The following PEMT variants were observed in gnomAD, a reference collection of about 807,000 sequenced individuals.
The protein encoded by PEMT is phospholipid methyltransferase.
In PEMT, 23 loss-of-function variants were observed where a neutral mutation model predicts 27.4. That is an observed-to-expected ratio of 0.84 (90% CI 0.60 to 1.19). The LOEUF (loss-of-function observed/expected upper bound fraction) is 1.19, where lower values mean the gene tolerates loss of function less well. Ranked by LOEUF, PEMT falls within the 50% of genes most tolerant of loss-of-function variation. The pLI is 0.00. For synonymous variants in PEMT, 137 were observed against 139.1 expected, an observed-to-expected ratio of 0.98 and a Z score of 0.11; for missense variants, 307 against 310.1, an observed-to-expected ratio of 0.99 and a Z score of 0.07.
chr17:17,577,828 T>TA (rs1911720735), intron 1 of PEMT, among the ~76,000 whole-genome samples: 1 of 151,830 alleles, frequency 6.6e-6, no homozygotes, highest in African/African-American at 2.4e-5. Context: ...CCATCCTGGC[T>TA]AACACGGTGA....
chr17:17,522,890 G>A (rs1047649995), intron 2 of PEMT, among the ~76,000 whole-genome samples: 3 of 122,016 alleles, frequency 2.5e-5, no homozygotes, highest in African/African-American at 3.7e-5. Context: ...CATCACAGGC[G>A]CAAAGCAAAG....
At position 17,548,534 on chromosome 17, in the gene PEMT, G is replaced by A. The variant is rs118023631; in HGVS notation, c.205-26139C>T. The stretch of plus-strand genomic sequence containing the variant: ...CTAAATTCATACCAGAGTCTGTGAC[G>A]GCTTCACGGTGAGCACAGGTCTTTT... On this transcript the variant is annotated intron_variant, in intron 2 of 6. Transcript: ENST00000255389. 8.9e-4 allele frequency among the ~76,000 whole-genome samples: 136 copies of A among 152,292 alleles called. 1 individual carries two copies. The East Asian group carries it at 0.024, about 27-fold the overall frequency.
intron 2 of PEMT, among the ~76,000 whole-genome samples, chr17:17,573,838 G>C (rs759697402): frequency 6.6e-6 from 1 of 152,200 alleles, no homozygotes; most frequent in African/African-American, 2.4e-5. Context: ...CTGGAGTGCA[G>C]TAGTGTGATC....
intron 2 of PEMT, among the ~76,000 whole-genome samples, chr17:17,576,149 C>T (rs1193281455): frequency 6.6e-6 from 1 of 152,106 alleles, no homozygotes; most frequent in Non-Finnish European, 1.5e-5. Flanking sequence ...CCCCCAGAGA[C>T]AGCCTTGGGA....
chr17:17,566,776 AG>A (rs939386065), intron 2 of PEMT, among the ~76,000 whole-genome samples: 1 of 152,208 alleles, frequency 6.6e-6, no homozygotes, highest in African/African-American at 2.4e-5. Flanking sequence ...AACTGGGCGC[AG>A]GGGGGCAGGT....
Position 17,505,811 on chromosome 17 carries a change from CG to C in PEMT, c.690del (p.Ser232ProfsTer7), listed in dbSNP as rs756045743. The C allele has an allele frequency of 6.2e-7, 1 of 1,611,414 alleles. No homozygotes were observed. Among genetic ancestry groups the C allele is most frequent in the Non-Finnish European group, 8.5e-7 (1 of 1,178,666 alleles). On this transcript the variant is annotated frameshift_variant, in exon 7 of 7. Transcript: ENST00000255389. LOFTEE classifies it high-confidence loss of function. The stretch of plus-strand genomic sequence containing the variant: ...CTCAATCAGCTCCTCTTGTGGGACC[CG>C]GAGGCTTTCTGCCGGTAGATCTCAG... ...FTAEIYRQKA[S>X]GSHKRS
At chr17:17,548,469 C>T (rs1909413492) in intron 2 of PEMT, among the ~76,000 whole-genome samples, 1 of 152,202 alleles carries the variant, frequency 6.6e-6, no homozygotes, top group African/African-American at 2.4e-5. Flanking sequence ...CCTTGAGGGA[C>T]CCAGAAGCTC....
chr17:17,540,084 A>C lies in PEMT; in HGVS notation c.205-17689T>G, dbSNP rs118042811. Among the ~76,000 whole-genome samples the C allele has an allele frequency of 2.6e-4, 39 of 152,314 alleles. No individual in the cohort carries two copies. In the East Asian group the frequency reaches 7.5e-3, roughly 29 times the overall value. ...AAGACAGAATCTGAGTTGAACCTGGAAGCAACGCCCCAAGGGAAGGGGCCA... is the reference window on the plus strand; with the variant it reads ...AAGACAGAATCTGAGTTGAACCTGGCAGCAACGCCCCAAGGGAAGGGGCCA... On this transcript the variant is annotated intron_variant, in intron 2 of 6. Transcript: ENST00000255389.
At position 17,512,606 on chromosome 17, in the gene PEMT, G is replaced by A. The variant is rs1906500994; in HGVS notation, c.369C>T (p.Thr123=). The A allele has an allele frequency of 1.3e-6, 2 of 1,599,810 alleles. No homozygotes were observed. The change falls in exon 4 of 7, where the codon ACC becomes ACT. Residue 123 remains threonine, a synonymous_variant. Transcript: ENST00000255389. This position sits in a 1 kb window ranked among gnomAD's most constrained non-coding sequence, Gnocchi z 6.3. The part of the protein sequence containing the change: ...LSQPRMESLD[T]PAAYSLGLAL... ...CGAGGCCCAGGCTGTAGGCCGCGGGGGTGTCCAGGCTCTCCATCCTGGGCT... is the reference window on the plus strand; with the variant it reads ...CGAGGCCCAGGCTGTAGGCCGCGGGAGTGTCCAGGCTCTCCATCCTGGGCT...
In PEMT at chr17:17,591,591, C is replaced by G. The variant is rs185084655; in HGVS notation, c.36G>C (p.Thr12=). Reference sequence around the variant, plus strand: ...AGTCAGGCCCTGCCACCGAGCTGTTCGTTACCTCGGCTCCCGGGTTCCCAG... The same window carrying G: ...AGTCAGGCCCTGCCACCGAGCTGTTGGTTACCTCGGCTCCCGGGTTCCCAG... The part of the protein sequence containing the change: ...KRSGNPGAEV[T]NSSVAGPDCC... The change falls in exon 1 of 7, where the codon ACG becomes ACC. Residue 12 remains threonine (T), a synonymous_variant. Transcript: ENST00000255389. The G allele has an allele frequency of 9.9e-6, 16 of 1,613,618 alleles. 1 individual carries two copies. The Admixed American group carries it at 2.5e-4, about 25-fold the overall frequency.
rs1436455428 is a variant in PEMT at position 17,561,468 on chromosome 17, A to T, written c.204+15452T>A. 6.6e-6 allele frequency among the ~76,000 whole-genome samples: 1 copy of T among 152,204 alleles called. No individual in the cohort carries two copies. The highest frequency in any genetic ancestry group is 1.5e-5 in the Non-Finnish European group (1 of 68,030). ...GACAAAACCCACAGAGCAGTTCCAC[A>T]ACAGATGCCCTGGGGTGGCTGCCCG... On this transcript the variant is annotated intron_variant, in intron 2 of 6. Coordinates refer to ENST00000255389, the MANE Select transcript of PEMT (RefSeq NM_148172.3). The surrounding 1 kb of genome is among the most constrained non-coding windows in gnomAD (Gnocchi z 4.5).
Position 17,561,756 on chromosome 17 carries a change from G to A in PEMT, c.204+15164C>T, listed in dbSNP as rs973110561. 1.3e-5 allele frequency among the ~76,000 whole-genome samples: 2 copies of A among 152,230 alleles called. No individual in the cohort carries two copies. The highest frequency in any genetic ancestry group is 2.4e-5 in the African/African-American group (1 of 41,450). The stretch of plus-strand genomic sequence containing the variant: ...GATATGAGGGGGGCACAACCGCACC[G>A]GGCTCCCGAGGATGGCAAGGGGGAC... On this transcript the variant is annotated intron_variant, in intron 2 of 6. Transcript: ENST00000255389. The surrounding 1 kb of genome is among the most constrained non-coding windows in gnomAD (Gnocchi z 4.5).
At chr17:17,575,725 C>G (rs560118516) in intron 2 of PEMT, among the ~76,000 whole-genome samples, 1 of 152,354 alleles carries the variant, frequency 6.6e-6, no homozygotes, top group East Asian at 1.9e-4. Flanking sequence ...GCCAGTCTCA[C>G]TCCCACCTCT....
intron 5 of PEMT, 97 bp downstream of exon 5, chr17:17,509,333 TTCTC>T: frequency 1.4e-6 from 1 of 738,156 alleles, no homozygotes; most frequent in Non-Finnish European, 2.3e-6. Context: ...CGTTCTTCCT[TTCTC>T]TCTCTCCAGG....
chr17:17,531,547 A>C (rs1391489308), intron 2 of PEMT, among the ~76,000 whole-genome samples: 1 of 151,230 alleles, frequency 6.6e-6, no homozygotes, highest in Non-Finnish European at 1.5e-5. Context: ...GATGTCTGAC[A>C]AAGTGCTAAG....
rs1007331999 is a variant in PEMT at position 17,513,158 on chromosome 17, G to A, written c.321-504C>T. Among the ~76,000 whole-genome samples, 28 of 152,338 alleles carry A rather than the reference G, an allele frequency of 1.8e-4. No homozygotes were observed. Among genetic ancestry groups the A allele is most frequent in the Middle Eastern group, 3.4e-3 (1 of 294 alleles). ...GGGCATGCTCTGTGCTAGGGATTGC[G>A]CTTCCACAGCCCCTGTGGGTCTGGC... On this transcript the variant is annotated intron_variant, in intron 3 of 6. Coordinates refer to ENST00000255389, the MANE Select transcript of PEMT (RefSeq NM_148172.3). The surrounding 1 kb of genome is among the most constrained non-coding windows in gnomAD (Gnocchi z 4.1).
chr17:17,575,841 C>A (rs937338222), intron 2 of PEMT, among the ~76,000 whole-genome samples: 4 of 152,234 alleles, frequency 2.6e-5, no homozygotes, highest in Non-Finnish European at 5.9e-5. Flanking sequence ...TTGGAATGCA[C>A]TGTCTTTGAC....
intron 2 of PEMT, among the ~76,000 whole-genome samples, chr17:17,556,001 G>A (rs1346550502): frequency 6.6e-6 from 1 of 152,254 alleles, no homozygotes. Context: ...GCCTTGAAGT[G>A]CTGCGCACTG....
intron 1 of PEMT, among the ~76,000 whole-genome samples, chr17:17,586,276 G>GA (rs1304777237): frequency 9.6e-6 from 1 of 104,242 alleles, no homozygotes; most frequent in Non-Finnish European, 1.9e-5. Flanking sequence ...AAGAAAGAAA[G>GA]AAAGAAAGAA....
Sources: allele counts gnomAD v4.1 joint callset (sites outside exome capture counted in the v4.1 genomes callset), GRCh38; gene constraint gnomAD v4.1.1; non-coding constraint Gnocchi (gnomAD v3.1); transcripts MANE v1.5; gene names NCBI Gene and HGNC (gene_info 2026-07-23, HGNC 2026-07-21).